Variants in KPNA4 observed in about 807,000 individuals in gnomAD.
KPNA4 encodes importin subunit alpha-3.
KPNA4 carries 13 observed loss-of-function variants against 71.3 expected under a neutral mutation model. The observed-to-expected ratio is 0.18, with a 90% CI of 0.12 to 0.29. The LOEUF (loss-of-function observed/expected upper bound fraction) is 0.29, where lower values mean the gene tolerates loss of function less well. KPNA4 is among the 10% of genes least tolerant of loss of function. The pLI is 1.00. For synonymous variants in KPNA4, 189 were observed against 195.2 expected (o/e 0.97, Z 0.26); for missense variants, 334 against 603.2 (o/e 0.55, Z 4.67).
Position 160,496,972 on chromosome 3 carries a change from T to C in KPNA4, c.*5132A>G, listed in dbSNP as rs1323098603. The C allele has an allele frequency of 6.6e-6, 1 of 152,184 alleles. No individual in the cohort carries two copies. Among genetic ancestry groups the C allele is most frequent in the Non-Finnish European group, 1.5e-5 (1 of 68,034 alleles). 9.4% of individuals were successfully genotyped at this position (152,184 alleles called of 1,614,324 possible). On this transcript the variant is annotated 3_prime_UTR_variant, in exon 17 of 17. Coordinates refer to ENST00000334256, the MANE Select transcript of KPNA4 (RefSeq NM_002268.5). Reference sequence around the variant, plus strand: ...GATTATTGTTAACTTCTGGGTTAAGTGTTTAGGGAAAAAAATGTTAAATCT... The same window carrying C: ...GATTATTGTTAACTTCTGGGTTAAGCGTTTAGGGAAAAAAATGTTAAATCT...
chr3:160,514,061 A>G lies in KPNA4; in HGVS notation c.1137+16T>C, dbSNP rs200977695. 30 of 1,428,060 alleles carry G rather than the reference A, an allele frequency of 2.1e-5. No homozygotes were observed. Among genetic ancestry groups the G allele is most frequent in the Non-Finnish European group, 2.7e-5 (28 of 1,047,566 alleles). The allele number at this position is 1,428,060 out of a possible 1,614,324, so 88.5% of individuals were successfully genotyped here. ...CTTACATCAGATAAATGATACATATAACATGATTTTCTTACCTTATCCAAA... is the reference window on the plus strand; with the variant it reads ...CTTACATCAGATAAATGATACATATGACATGATTTTCTTACCTTATCCAAA... On this transcript the variant is annotated intron_variant, in intron 13 of 16. Transcript: ENST00000334256.
intron 1 of KPNA4, among the ~76,000 whole-genome samples, chr3:160,563,979 TCA>T (rs143585857): frequency 0.14 from 21,747 of 152,120 alleles, 2,079 homozygotes; most frequent in Non-Finnish European, 0.21. Flanking sequence ...AAAAAATATC[TCA>T]GTCAAGCAGA....
Position 160,514,201 on chromosome 3 carries a change from G to C in KPNA4, c.1033-20C>G, listed in dbSNP as rs770879710. 2 of 1,534,738 alleles carry C rather than the reference G, an allele frequency of 1.3e-6. No homozygotes were observed. Among genetic ancestry groups the C allele is most frequent in the African/African-American group, 2.8e-5 (2 of 71,110 alleles). On this transcript the variant is annotated intron_variant, in intron 12 of 16. Coordinates refer to ENST00000334256, the MANE Select transcript of KPNA4 (RefSeq NM_002268.5). ...TGCTTCCTGTAGAACAAGAGCATTT[G>C]AATATTTCTCATTAAAAAATAAAAT...
intron 1 of KPNA4, among the ~76,000 whole-genome samples, chr3:160,555,378 G>A (rs1057262792): frequency 1.3e-5 from 2 of 152,188 alleles, no homozygotes; most frequent in Admixed American, 6.6e-5. Context: ...ACCGTTGCAT[G>A]TGTCAGTACA....
At chr3:160,551,861 A>G (rs941019578) in intron 1 of KPNA4, among the ~76,000 whole-genome samples, 2 of 147,998 alleles carry the variant, frequency 1.4e-5, no homozygotes, top group Non-Finnish European at 3.0e-5. Context: ...ACTGTATTCT[A>G]ATGGTTCTCA....
rs1162049255 is a variant in KPNA4, at chr3:160,504,034, T to TG, written c.1467+923dup. 5.9e-5 allele frequency among the ~76,000 whole-genome samples: 9 copies of TG among 152,100 alleles called. No individual in the cohort carries two copies. In the East Asian group the frequency reaches 1.7e-3, roughly 29 times the overall value. On this transcript the variant is annotated intron_variant, in intron 16 of 16. Transcript: ENST00000334256. ...GGGAGGGGGAGGTTGCAGTGAGCTG[T>TG]GACTGCGCCAATGCACTCCAGCCTG...
intron 15 of KPNA4, among the ~76,000 whole-genome samples, chr3:160,505,994 A>G (rs1204054585): frequency 6.6e-6 from 1 of 152,122 alleles, no homozygotes; most frequent in Non-Finnish European, 1.5e-5. Flanking sequence ...ATTTGGTGAT[A>G]ATCAACAATA....
At chr3:160,504,677 A>T (rs899527933) in intron 16 of KPNA4, among the ~76,000 whole-genome samples, 33 of 152,168 alleles carry the variant, frequency 2.2e-4, no homozygotes, top group African/African-American at 8.0e-4. Context: ...TAACAATTTT[A>T]AAAAATGAGA....
intron 5 of KPNA4, among the ~76,000 whole-genome samples, chr3:160,533,514 A>C (rs1377114878): frequency 3.3e-5 from 5 of 151,798 alleles, no homozygotes. Context: ...GTTTCATGAG[A>C]TCAAGGGTCA....
At chr3:160,505,258 TCTAA>T (rs1371553334) in intron 15 of KPNA4, among the ~76,000 whole-genome samples, 4 of 152,174 alleles carry the variant, frequency 2.6e-5, no homozygotes, top group African/African-American at 4.8e-5. Flanking sequence ...AACCTGAGTG[TCTAA>T]CTGCTTGTAA....
intron 1 of KPNA4, among the ~76,000 whole-genome samples, chr3:160,550,793 G>C (rs1460945695): frequency 1.3e-5 from 2 of 152,164 alleles, no homozygotes; most frequent in African/African-American, 2.4e-5. Flanking sequence ...CCTTCAGTCA[G>C]TTAATGTGGT....
At chr3:160,556,728 G>C (rs1232481394) in intron 1 of KPNA4, among the ~76,000 whole-genome samples, 2 of 152,062 alleles carry the variant, frequency 1.3e-5, no homozygotes, top group African/African-American at 4.8e-5. Flanking sequence ...TTTTGGATTT[G>C]GACGCTCAAC....
At chr3:160,505,326 T>C (rs1720962796) in intron 15 of KPNA4, among the ~76,000 whole-genome samples, 1 of 152,194 alleles carries the variant, frequency 6.6e-6, no homozygotes, top group East Asian at 1.9e-4. Context: ...TTCATCAGAA[T>C]ACATAACCAA....
At chr3:160,535,012 TCGCCCGGCC>T (rs1721658442) in intron 5 of KPNA4, among the ~76,000 whole-genome samples, 1 of 151,802 alleles carries the variant, frequency 6.6e-6, no homozygotes, top group African/African-American at 2.4e-5. Context: ...GTGAGCCACC[TCGCCCGGCC>T]GTCATTAATC....
chr3:160,555,496 C>T (rs1722119007), intron 1 of KPNA4, among the ~76,000 whole-genome samples: 1 of 152,100 alleles, frequency 6.6e-6, no homozygotes, highest in African/African-American at 2.4e-5. Context: ...TCTATGCCTA[C>T]ATATCTATGA....
chr3:160,514,913 C>A (rs777478784), intron 12 of KPNA4: 9 of 512,960 alleles, frequency 1.8e-5, no homozygotes, highest in African/African-American at 1.2e-4. Context: ...TCTTTTGGAT[C>A]AGATCACAGG....
intron 10 of KPNA4, among the ~76,000 whole-genome samples, chr3:160,522,824 A>T (rs1721380673): frequency 6.6e-6 from 1 of 152,056 alleles, no homozygotes; most frequent in African/African-American, 2.4e-5. Flanking sequence ...ATCATAGGTC[A>T]ATCTGTGAGA....
rs1439537634 is a variant in KPNA4, at chr3:160,522,084, C to T, written c.772-174G>A. Among the ~76,000 whole-genome samples, 4 of 152,344 alleles carry T rather than the reference C, an allele frequency of 2.6e-5. No individual in the cohort carries two copies. In the South Asian group the frequency reaches 8.3e-4, roughly 32 times the overall value. ...ATTAAACATCATCATCTATAAATGT[C>T]TGTACTAAGACGTACATCTTTTAGC... On this transcript the variant is annotated intron_variant, in intron 10 of 16. Coordinates refer to ENST00000334256, the MANE Select transcript of KPNA4 (RefSeq NM_002268.5).
chr3:160,533,218 T>C (rs570574918), intron 5 of KPNA4, among the ~76,000 whole-genome samples: 2 of 152,056 alleles, frequency 1.3e-5, no homozygotes, highest in South Asian at 4.2e-4. Flanking sequence ...GAGACGGGGG[T>C]TTCACCATGC....
Sources: allele counts gnomAD v4.1 joint callset (sites outside exome capture counted in the v4.1 genomes callset), GRCh38; gene constraint gnomAD v4.1.1; transcripts MANE v1.5; gene names NCBI Gene and HGNC (gene_info 2026-07-23, HGNC 2026-07-21).